The following RYR2 variants were observed in gnomAD, a reference collection of about 807,000 sequenced individuals.
The protein encoded by RYR2 is ryanodine receptor 2, also known as cardiac muscle ryanodine receptor-calcium release channel.
RYR2 carries 227 observed loss-of-function variants against 601.1 expected under a neutral mutation model. The ratio of observed to expected loss-of-function variants is 0.38; its 90% confidence interval spans 0.34 to 0.42. The LOEUF (loss-of-function observed/expected upper bound fraction) is 0.42. RYR2 is among the 10% of genes least tolerant of loss of function. The pLI is 1.00. For synonymous variants in RYR2, 2,223 were observed against 2,175.1 expected (o/e 1.02, Z -0.61); for missense variants, 4,646 against 6,156.5 (o/e 0.75, Z 8.21).
chr1:237,426,542 A>T (rs1396443863), intron 12 of RYR2, among the ~76,000 whole-genome samples: 1 of 152,216 alleles, frequency 6.6e-6, no homozygotes, highest in Non-Finnish European at 1.5e-5. Context: ...ACTAAAGAAG[A>T]ACCAATTATT....
chr1:237,145,745 CTATT>C, intron 1 of RYR2, among the ~76,000 whole-genome samples: 1 of 152,250 alleles, frequency 6.6e-6, no homozygotes, highest in Non-Finnish European at 1.5e-5. Flanking sequence ...CAATAACTAT[CTATT>C]CTTGTAATGG....
intron 62 of RYR2, among the ~76,000 whole-genome samples, chr1:237,685,403 G>T (rs1450871266): frequency 6.6e-6 from 1 of 152,144 alleles, no homozygotes; most frequent in Non-Finnish European, 1.5e-5. Context: ...TTCTCTGACA[G>T]ATTTTCAGGC....
At chr1:237,651,279 G>C (rs1289676512) in intron 50 of RYR2, 132 bp from the exon 51 acceptor site, 2 of 664,470 alleles carry the variant, frequency 3.0e-6, no homozygotes, top group Non-Finnish European at 5.4e-6. Flanking sequence ...TTTGGACAAA[G>C]AACATCTAAT....
At chr1:237,417,211 A>G in intron 11 of RYR2, 88 bp downstream of exon 11, 1 of 987,404 alleles carries the variant, frequency 1.0e-6, no homozygotes, top group Non-Finnish European at 1.6e-6. Flanking sequence ...TGATGCTGAA[A>G]ACTACAGCAA....
chr1:237,186,649 G>C (rs1679368092), intron 1 of RYR2, among the ~76,000 whole-genome samples: 1 of 152,180 alleles, frequency 6.6e-6, no homozygotes, highest in South Asian at 2.1e-4. Flanking sequence ...AGCAGAACAA[G>C]ACCCACTTGC....
chr1:237,535,678 T>C (rs748671007), intron 25 of RYR2, among the ~76,000 whole-genome samples: 7 of 152,166 alleles, frequency 4.6e-5, no homozygotes, highest in Admixed American at 4.6e-4. Flanking sequence ...ATTATGAGCA[T>C]AGATGCAAAA....
At chr1:237,122,621 G>T (rs1390267532) in intron 1 of RYR2, among the ~76,000 whole-genome samples, 1 of 152,202 alleles carries the variant, frequency 6.6e-6, no homozygotes, top group Non-Finnish European at 1.5e-5. Flanking sequence ...GGTGGAGATT[G>T]CAGTGAGCTG....
At chr1:237,317,898 T>A (rs1341132126) in intron 2 of RYR2, among the ~76,000 whole-genome samples, 2 of 152,168 alleles carry the variant, frequency 1.3e-5, no homozygotes, top group African/African-American at 4.8e-5. Context: ...TTAGATCATA[T>A]TTTTTATCCT....
intron 65 of RYR2, among the ~76,000 whole-genome samples, chr1:237,701,553 T>C (rs187466739): frequency 4.0e-4 from 61 of 152,156 alleles, no homozygotes; most frequent in Middle Eastern, 3.4e-3. Context: ...GATGTGCCTT[T>C]TGTTTAGTTA....
At chr1:237,740,975 C>T (rs1432293593) in intron 79 of RYR2, among the ~76,000 whole-genome samples, 2 of 152,138 alleles carry the variant, frequency 1.3e-5, no homozygotes, top group Non-Finnish European at 2.9e-5. Context: ...TCCTGGCTGA[C>T]TAATAACATG....
intron 3 of RYR2, among the ~76,000 whole-genome samples, chr1:237,340,000 A>G (rs1251914778): frequency 6.6e-6 from 1 of 152,186 alleles, no homozygotes; most frequent in African/African-American, 2.4e-5. Context: ...TACTTTGAAG[A>G]ACTAGGTTCT....
chr1:237,069,181 AG>A (rs1381723057), intron 1 of RYR2, among the ~76,000 whole-genome samples: 1 of 152,186 alleles, frequency 6.6e-6, no homozygotes, highest in Non-Finnish European at 1.5e-5. Context: ...AAATCCATGC[AG>A]CTTATCCCAT....
At chr1:237,507,218 C>G (rs1665358658) in intron 23 of RYR2, among the ~76,000 whole-genome samples, 1 of 152,208 alleles carries the variant, frequency 6.6e-6, no homozygotes, top group Admixed American at 6.5e-5. Flanking sequence ...TCTTTTCTTT[C>G]AGTTCCAATT....
At chr1:237,742,569 T>C (rs1691707892) in intron 80 of RYR2, among the ~76,000 whole-genome samples, 1 of 152,196 alleles carries the variant, frequency 6.6e-6, no homozygotes, top group Non-Finnish European at 1.5e-5. Flanking sequence ...GCACATATGT[T>C]CAGAATGAGT....
chr1:237,576,943 G>A (rs905925470), intron 29 of RYR2, among the ~76,000 whole-genome samples: 1 of 152,238 alleles, frequency 6.6e-6, no homozygotes. Context: ...GCAAACATTT[G>A]TAAAGACCTG....
At chr1:237,653,953 A>T (rs1201215872) in intron 51 of RYR2, among the ~76,000 whole-genome samples, 2 of 152,160 alleles carry the variant, frequency 1.3e-5, no homozygotes, top group African/African-American at 4.8e-5. Flanking sequence ...AGCTGATTAG[A>T]TGGTGCCCAC....
intron 1 of RYR2, among the ~76,000 whole-genome samples, chr1:237,227,398 A>G (rs1158838621): frequency 6.6e-6 from 1 of 152,220 alleles, no homozygotes; most frequent in African/African-American, 2.4e-5. Context: ...TCTATGCTAC[A>G]GGGATGGGCG....
In RYR2 at chr1:237,772,003, CT is replaced by C; in HGVS notation, c.11558-7del. On this transcript the variant is annotated splice_polypyrimidine_tract_variant and splice_region_variant and intron_variant, in intron 85 of 104. Transcript: ENST00000366574. ...GCAAGCATTAATAACATTTTTTTATCTTGCATAGATTTTCAGAATTATCTGA... is the reference window on the plus strand; with the variant it reads ...GCAAGCATTAATAACATTTTTTTATCTGCATAGATTTTCAGAATTATCTGA... The C allele has an allele frequency of 1.4e-6, 2 of 1,468,606 alleles. No individual in the cohort carries two copies. The highest frequency in any genetic ancestry group is 9.3e-7 in the Non-Finnish European group (1 of 1,072,324). The allele number at this position is 1,468,606 out of a possible 1,614,324, so 91.0% of individuals were successfully genotyped here. A position where few individuals can be genotyped will look rare whatever the true frequency, so the allele number is the denominator to read the frequency against.
chr1:237,649,918 G>A lies in RYR2; in HGVS notation c.7554G>A (p.Arg2518=), dbSNP rs2148796286. Residue 2518 remains arginine, a synonymous_variant, in exon 50 of 105, where the codon CGG becomes CGA. Coordinates refer to ENST00000366574, the MANE Select transcript of RYR2 (RefSeq NM_001035.3). ...CAGACATGGCCTTGGCCCTCAATCG[G>A]TACCTTTGCACAGCCGTCTTGCCAT... ...SATDMALALN[R]YLCTAVLPLL... is the part of the protein sequence containing the mutation. 1 of 1,613,880 alleles carries A rather than the reference G, an allele frequency of 6.2e-7. No homozygotes were observed.
Sources: allele counts gnomAD v4.1 joint callset (sites outside exome capture counted in the v4.1 genomes callset), GRCh38; gene constraint gnomAD v4.1.1; transcripts MANE v1.5; gene names NCBI Gene and HGNC (gene_info 2026-07-23, HGNC 2026-07-21).